The following CSNK1G1 variants were observed in gnomAD, a reference collection of about 807,000 sequenced individuals.
CSNK1G1 encodes casein kinase I isoform gamma-1.
A neutral mutation model predicts 59.6 loss-of-function variants in CSNK1G1; 22 were observed. The ratio of observed to expected loss-of-function variants is 0.37; its 90% confidence interval spans 0.26 to 0.53. The LOEUF (loss-of-function observed/expected upper bound fraction) is 0.53, where lower values mean the gene tolerates loss of function less well. Ranked by LOEUF, CSNK1G1 falls within the 20% of genes least tolerant of loss-of-function variation. CSNK1G1 has a pLI of 0.89. For synonymous variants in CSNK1G1, 179 were observed against 177.1 expected (o/e 1.01, Z -0.08); for missense variants, 384 against 519.5 (o/e 0.74, Z 2.54).
chr15:64,234,153 C>T (rs578150206), intron 4 of CSNK1G1, among the ~76,000 whole-genome samples: 2 of 152,286 alleles, frequency 1.3e-5, no homozygotes, highest in African/African-American at 4.8e-5. Context: ...TTAAGTTCTG[C>T]TCCCTAAGAG....
intron 1 of CSNK1G1, among the ~76,000 whole-genome samples, chr15:64,306,118 C>T (rs77597159): frequency 0.019 from 2,882 of 152,190 alleles, 36 homozygotes; most frequent in Non-Finnish European, 0.03. Context: ...AAAGCATGAT[C>T]AATGAAAGAA....
At chr15:64,260,412 A>G (rs981549978) in intron 2 of CSNK1G1, among the ~76,000 whole-genome samples, 1 of 152,190 alleles carries the variant, frequency 6.6e-6, no homozygotes, top group East Asian at 1.9e-4. Flanking sequence ...TAGTTTTACT[A>G]TTTTAGTATT....
At chr15:64,225,007 T>TTC (rs1012531333) in intron 4 of CSNK1G1, among the ~76,000 whole-genome samples, 4 of 88,212 alleles carry the variant, frequency 4.5e-5, no homozygotes, top group African/African-American at 3.2e-4. Flanking sequence ...TACACTTTTC[T>TTC]TTTTTTTTTT....
chr15:64,281,982 C>T (rs1259306325), intron 2 of CSNK1G1, among the ~76,000 whole-genome samples: 3 of 150,148 alleles, frequency 2.0e-5, no homozygotes, highest in East Asian at 3.9e-4. Context: ...AGTGTAGTGG[C>T]GCAATCTAGG....
chr15:64,198,908 C>A (rs1041949881), intron 10 of CSNK1G1, among the ~76,000 whole-genome samples: 16 of 151,828 alleles, frequency 1.1e-4, no homozygotes, highest in African/African-American at 3.6e-4. Flanking sequence ...TTTACATCAA[C>A]GTGAAGGAAT....
At chr15:64,314,460 T>C (rs1896162274) in intron 1 of CSNK1G1, among the ~76,000 whole-genome samples, 2 of 151,970 alleles carry the variant, frequency 1.3e-5, no homozygotes, top group Admixed American at 1.3e-4. Context: ...AACATATCCA[T>C]TACCTTAAAT....
At chr15:64,286,133 C>T (rs566062397) in intron 2 of CSNK1G1, among the ~76,000 whole-genome samples, 16 of 152,238 alleles carry the variant, frequency 1.1e-4, no homozygotes, top group Admixed American at 6.5e-4. Context: ...TTCTCACCCC[C>T]GGACCCCAGC....
intron 10 of CSNK1G1, among the ~76,000 whole-genome samples, chr15:64,201,734 G>GTA (rs2082111572): frequency 6.6e-6 from 1 of 150,840 alleles, no homozygotes; most frequent in African/African-American, 2.5e-5. Flanking sequence ...GTGTGTGTGT[G>GTA]TGTGTGTGTG....
intron 4 of CSNK1G1, among the ~76,000 whole-genome samples, chr15:64,249,625 A>G (rs2140316161): frequency 6.6e-6 from 1 of 152,340 alleles, no homozygotes; most frequent in East Asian, 1.9e-4. Context: ...ATTCCCACTC[A>G]TGACAATGAT....
At chr15:64,355,002 C>A in intron 1 of CSNK1G1, among the ~76,000 whole-genome samples, 1 of 152,174 alleles carries the variant, frequency 6.6e-6, no homozygotes, top group Non-Finnish European at 1.5e-5. Context: ...CACTACACAG[C>A]ACCTAGTATT....
At chr15:64,199,267 A>G (rs530218957) in intron 10 of CSNK1G1, among the ~76,000 whole-genome samples, 36 of 146,908 alleles carry the variant, frequency 2.5e-4, no homozygotes, top group East Asian at 2.1e-3. Context: ...AAAAAAAAAA[A>G]AAAAAGAAAA....
At chr15:64,192,987 C>A (rs1430031041) in intron 10 of CSNK1G1, among the ~76,000 whole-genome samples, 1 of 151,322 alleles carries the variant, frequency 6.6e-6, no homozygotes, top group Non-Finnish European at 1.5e-5. Context: ...TAAAAGCTGC[C>A]ATTTATAAAG....
chr15:64,197,443 C>T (rs935320584), intron 10 of CSNK1G1, among the ~76,000 whole-genome samples: 6 of 152,202 alleles, frequency 3.9e-5, no homozygotes, highest in Admixed American at 2.6e-4. Context: ...CAAACAAGTT[C>T]CTCCCCCAAC....
rs529916933 is a variant in CSNK1G1, at chr15:64,168,993, T to C, written c.*2938A>G. Reference sequence around the variant, plus strand: ...AATATCTAGTAAGAGATTTGTGAGGTTGGAAGGTGAGAACAGTGTCTTAGG... The same window carrying C: ...AATATCTAGTAAGAGATTTGTGAGGCTGGAAGGTGAGAACAGTGTCTTAGG... On this transcript the variant is annotated 3_prime_UTR_variant, in exon 12 of 12. Coordinates refer to ENST00000303052, the MANE Select transcript of CSNK1G1 (RefSeq NM_022048.5). 2.9e-4 allele frequency: 44 copies of C among 152,634 alleles called. No homozygotes were observed. The highest frequency in any genetic ancestry group is 9.4e-4 in the African/African-American group (39 of 41,546). The allele number at this position is 152,634 out of a possible 1,614,324, so 9.5% of individuals were successfully genotyped here.
intron 1 of CSNK1G1, among the ~76,000 whole-genome samples, chr15:64,318,992 A>T (rs970736924): frequency 4.6e-5 from 7 of 151,686 alleles, no homozygotes; most frequent in African/African-American, 1.5e-4. Flanking sequence ...CTGGAACTAC[A>T]GGCACACACC....
intron 4 of CSNK1G1, among the ~76,000 whole-genome samples, chr15:64,229,508 C>T (rs1016880546): frequency 2.0e-5 from 3 of 149,314 alleles, no homozygotes; most frequent in Non-Finnish European, 4.4e-5. Flanking sequence ...GAGGAGTATT[C>T]TCTCTCTTTC....
At position 64,300,683 on chromosome 15, in the gene CSNK1G1, TGTA is replaced by T. The variant is rs2140403098; in HGVS notation, c.-187_-185del. The T allele has an allele frequency of 7.8e-7, 1 of 1,278,450 alleles. No homozygotes were observed. The highest frequency in any genetic ancestry group is 3.1e-5 in the South Asian group (1 of 32,178). The allele number at this position is 1,278,450 out of a possible 1,614,324, so 79.2% of individuals were successfully genotyped here. ...ACCATTTATTTGTTCCCGTAGGAAA[TGTA>T]GTCACTAGGTCTCAATCTTAGGTGA... On this transcript the variant is annotated 5_prime_UTR_variant, in exon 2 of 12. Transcript: ENST00000303052.
At chr15:64,228,908 C>G (rs2082500104) in intron 4 of CSNK1G1, among the ~76,000 whole-genome samples, 1 of 149,682 alleles carries the variant, frequency 6.7e-6, no homozygotes, top group African/African-American at 2.5e-5. Flanking sequence ...GTCCCAGCTA[C>G]TTGGGAGGCT....
At position 64,230,788 on chromosome 15, in the gene CSNK1G1, C is replaced by T. The variant is rs576183728; in HGVS notation, c.293-14075G>A. On this transcript the variant is annotated intron_variant, in intron 4 of 11. Coordinates refer to ENST00000303052, the MANE Select transcript of CSNK1G1 (RefSeq NM_022048.5). ...AAGATTGAGACCATCCTGGCTAACACGGTGAAACCCCGTCTCTACTAAAAA... is the reference window on the plus strand; with the variant it reads ...AAGATTGAGACCATCCTGGCTAACATGGTGAAACCCCGTCTCTACTAAAAA... 1.9e-3 allele frequency among the ~76,000 whole-genome samples: 288 copies of T among 151,998 alleles called. 2 individuals are homozygous for T. The highest frequency in any genetic ancestry group is 6.1e-3 in the African/African-American group (254 of 41,436).
Sources: gnomAD v4.1 joint callset for allele counts (sites outside exome capture counted in the v4.1 genomes callset) on GRCh38, gnomAD v4.1.1 for gene constraint, MANE v1.5 for transcripts, NCBI Gene and HGNC (gene_info 2026-07-23, HGNC 2026-07-21) for gene names.